KCNJ18: variants seen among roughly 807,000 people sequenced by gnomAD.
The protein encoded by KCNJ18 is potassium inwardly rectifying channel subfamily J member 18, also known as inward rectifier potassium channel 18.
Under a neutral mutation model 17.3 loss-of-function variants are expected in KCNJ18, and 16 were observed. The ratio of observed to expected loss-of-function variants is 0.92; its 90% CI spans 0.62 to 1.40. The LOEUF is 1.40. Ranked by LOEUF, KCNJ18 falls within the 40% of genes most tolerant of loss-of-function variation. KCNJ18 has a pLI of 0.00. For missense variants in KCNJ18, 462 were observed against 626.8 expected (o/e 0.74, Z 2.81); for synonymous variants, 185 against 262.6 (o/e 0.70, Z 2.86).
chr17:21,700,640 C>T lies in KCNJ18; in HGVS notation c.-56-2091C>T, dbSNP rs1345600176. Among the ~76,000 whole-genome samples, 6 of 109,838 alleles carry T rather than the reference C, an allele frequency of 5.5e-5. 1 individual carries two copies. The highest frequency in any genetic ancestry group is 7.7e-5 in the Non-Finnish European group (4 of 51,750). The allele number at this position is 109,838 out of a possible 152,430, so 72.1% of individuals were successfully genotyped here. A position where few individuals can be genotyped will look rare whatever the true frequency, so the allele number is the denominator to read the frequency against. On this transcript the variant is annotated intron_variant, in intron 2 of 2. Transcript: ENST00000567955. ...GCTCCGAGGCCCAGACTAGTGTGGA[C>T]GTGGCCAGAAGCTGGGTCACACAGA...
Position 21,704,062 on chromosome 17 carries a change from C to T in KCNJ18, c.1276C>T (p.Pro426Ser). Residue 426 changes from proline (P) to serine (S), a missense_variant, in exon 3 of 3, where the codon CCC becomes TCC. Around this residue, in one of 5 missense-constraint regions of KCNJ18, gnomAD observed 123 missense variants for 117.5 expected, o/e 1.05. Coordinates refer to ENST00000567955, the MANE Select transcript of KCNJ18 (RefSeq NM_001194958.2). The part of the protein sequence containing the change: ...QAGGGVLEQR[P>S]YRRGSEI ...TGGCGGCGGGGTCCTGGAGCAGCGG[C>T]CCTACAGACGGGGGTCAGAGATCTG... The T allele has an allele frequency of 6.4e-7, 1 of 1,559,284 alleles. No homozygotes were observed.
At chr17:21,697,772 A>G (rs1445354292) in intron 2 of KCNJ18, among the ~76,000 whole-genome samples, 4 of 152,310 alleles carry the variant, frequency 2.6e-5, no homozygotes, top group African/African-American at 4.8e-5. Flanking sequence ...CAGTCTCCCC[A>G]TCTGCAAAGG....
At position 21,703,294 on chromosome 17, in the gene KCNJ18, T is replaced by C; in HGVS notation, c.508T>C (p.Cys170Arg). The C allele has an allele frequency of 1.2e-5, 19 of 1,608,686 alleles. No homozygotes were observed. Among genetic ancestry groups the C allele is most frequent in the Non-Finnish European group, 1.5e-5 (18 of 1,177,068 alleles). Residue 170 changes from cysteine (C) to arginine (R), a missense_variant, in exon 3 of 3, where the codon TGC (cysteine) becomes CGC (arginine). This residue lies in a region of KCNJ18 where 237 missense variants were observed against 259.4 expected (regional missense o/e 0.91). Coordinates refer to ENST00000567955, the MANE Select transcript of KCNJ18 (RefSeq NM_001194958.2). ...FMVVAQSIVG[C>R]IIDSFMIGAI... ...GGTGGTGGCCCAGTCCATCGTGGGC[T>C]GCATCATCGACTCCTTCATGATTGG...
Position 21,704,120 on chromosome 17 carries a change from C to T in KCNJ18, c.*32C>T. On this transcript the variant is annotated 3_prime_UTR_variant, in exon 3 of 3. Transcript: ENST00000567955. ...CTTGGCCGACATGCAGCATCCACCC[C>T]TGGCCGGGGAGAGGCCCCGCGGTCG... The T allele has an allele frequency of 2.7e-6, 4 of 1,503,902 alleles. No individual in the cohort carries two copies. The highest frequency in any genetic ancestry group is 3.5e-6 in the Non-Finnish European group (4 of 1,126,958). 93.2% of individuals were successfully genotyped at this position (1,503,902 alleles called of 1,614,324 possible).
chr17:21,701,739 C>T (rs1482323347), intron 2 of KCNJ18, among the ~76,000 whole-genome samples: 4 of 152,210 alleles, frequency 2.6e-5, no homozygotes, highest in Non-Finnish European at 4.4e-5. Context: ...GGTGAAACCC[C>T]GTCTCTACTT....
chr17:21,699,555 G>A (rs1212533243), intron 2 of KCNJ18, among the ~76,000 whole-genome samples: 1 of 152,220 alleles, frequency 6.6e-6, no homozygotes, highest in Non-Finnish European at 1.5e-5. Flanking sequence ...TGACATTCTG[G>A]GCTCCAACTC....
In KCNJ18 at chr17:21,702,676, G is replaced by A. The variant is rs1906000681; in HGVS notation, c.-56-55G>A. The A allele has an allele frequency of 3.3e-6, 4 of 1,200,228 alleles. No individual in the cohort carries two copies. The South Asian group carries it at 5.4e-5, about 16-fold the overall frequency. 74.3% of individuals were successfully genotyped at this position (1,200,228 alleles called of 1,614,324 possible). A position where few individuals can be genotyped will look rare whatever the true frequency, so the allele number is the denominator to read the frequency against. The stretch of plus-strand genomic sequence containing the variant: ...CACGTCTGGGGGCCCTGGGATGGGG[G>A]TAGAGGAGCCTGGAGCCACCAGCCC... On this transcript the variant is annotated intron_variant, in intron 2 of 2. Coordinates refer to ENST00000567955, the MANE Select transcript of KCNJ18 (RefSeq NM_001194958.2).
At chr17:21,692,965 G>A (rs1174817643) in intron 1 of KCNJ18, among the ~76,000 whole-genome samples, 1 of 152,310 alleles carries the variant, frequency 6.6e-6, no homozygotes, top group Admixed American at 6.5e-5. Flanking sequence ...GCCTTGCCCT[G>A]TTCCGTGGGG....
In KCNJ18 at chr17:21,704,212, G is replaced by A. The variant is rs1392158213; in HGVS notation, c.*124G>A. On this transcript the variant is annotated 3_prime_UTR_variant, in exon 3 of 3. Coordinates refer to ENST00000567955, the MANE Select transcript of KCNJ18 (RefSeq NM_001194958.2). ...GGGTTGCAGACTCAGTAGCGTTTTA[G>A]TCGTTTTATGTTTCTTTGCAAAGGC... 823 of 1,165,142 alleles carry A rather than the reference G, an allele frequency of 7.1e-4. 2 individuals are homozygous for A. The highest frequency in any genetic ancestry group is 9.4e-4 in the Admixed American group (32 of 34,096). 72.2% of individuals were successfully genotyped at this position (1,165,142 alleles called of 1,614,324 possible).
intron 2 of KCNJ18, among the ~76,000 whole-genome samples, chr17:21,696,716 T>G (rs1905769132): frequency 1.3e-5 from 2 of 149,316 alleles, no homozygotes; most frequent in African/African-American, 5.0e-5. Context: ...GAGGAGGAGG[T>G]GGAGGAGGCG....
At chr17:21,696,392 CT>C (rs1245651864) in intron 2 of KCNJ18, among the ~76,000 whole-genome samples, 3 of 152,168 alleles carry the variant, frequency 2.0e-5, no homozygotes, top group Admixed American at 6.5e-5. Context: ...CTGCTCACCC[CT>C]ATCATCCACC....
chr17:21,700,019 C>T (rs1170783643), intron 2 of KCNJ18, among the ~76,000 whole-genome samples: 42 of 152,406 alleles, frequency 2.8e-4, no homozygotes, highest in African/African-American at 9.6e-4. Context: ...CGTCTGAGTG[C>T]CCCGGCCCTG....
At position 21,703,000 on chromosome 17, in the gene KCNJ18, T is replaced by C; in HGVS notation, c.214T>C (p.Phe72Leu). 8 of 1,610,878 alleles carry C rather than the reference T, an allele frequency of 5.0e-6. No individual in the cohort carries two copies. The South Asian group carries it at 8.9e-5, about 18-fold the overall frequency. The change falls in exon 3 of 3, where the codon TTC becomes CTC. Residue 72 changes from phenylalanine (F) to leucine (L), a missense_variant. Coordinates refer to ENST00000567955, the MANE Select transcript of KCNJ18 (RefSeq NM_001194958.2). ...EKSQRYLADM[F>L]TTCVDIRWRY... Reference sequence around the variant, plus strand: ...GTCACAGCGCTACCTGGCTGACATGTTCACCACCTGTGTGGACATCCGCTG... The same window carrying C: ...GTCACAGCGCTACCTGGCTGACATGCTCACCACCTGTGTGGACATCCGCTG...
rs1265381321 is a variant in KCNJ18, at chr17:21,702,323, C to A, written c.-56-408C>A. ...TGACATTGAGCAAGGGAGGGATAGG[C>A]ACCGACTCAGCTTCCACAGGCCCTC... On this transcript the variant is annotated intron_variant, in intron 2 of 2. Transcript: ENST00000567955. Among the ~76,000 whole-genome samples, 705 of 152,074 alleles carry A rather than the reference C, an allele frequency of 4.6e-3. 11 individuals carry two copies. The highest frequency in any genetic ancestry group is 0.016 in the African/African-American group (676 of 41,412).
chr17:21,694,994 G>A (rs1266753537), intron 1 of KCNJ18, among the ~76,000 whole-genome samples: 18,899 of 126,130 alleles, frequency 0.15, no homozygotes, highest in Middle Eastern at 0.19. Context: ...CATCCCATTC[G>A]TCTATCCATC....
In KCNJ18 at chr17:21,702,714, T is replaced by A. The variant is rs1254833975; in HGVS notation, c.-56-17T>A. On this transcript the variant is annotated splice_polypyrimidine_tract_variant and intron_variant, in intron 2 of 2. Transcript: ENST00000567955. Reference sequence around the variant, plus strand: ...GAGCCACCAGCCCAGCCAGACATGCTGTCCTCTCTGTTCCAGGAGCCGCCC... The same window carrying A: ...GAGCCACCAGCCCAGCCAGACATGCAGTCCTCTCTGTTCCAGGAGCCGCCC... 2 of 1,496,706 alleles carry A rather than the reference T, an allele frequency of 1.3e-6. No individual in the cohort carries two copies. Among genetic ancestry groups the A allele is most frequent in the East Asian group, 2.5e-5 (1 of 40,596 alleles). 92.7% of individuals were successfully genotyped at this position (1,496,706 alleles called of 1,614,324 possible). A position where few individuals can be genotyped will look rare whatever the true frequency, so the allele number is the denominator to read the frequency against.
Position 21,703,103 on chromosome 17 carries a change from C to T in KCNJ18, c.317C>T (p.Ala106Val), listed in dbSNP as rs1291699531. ...LLFGVIFWVI[A>V]VAHGDLEPAE... ...TTCGGCGTCATCTTCTGGGTCATCG[C>T]GGTGGCACACGGTGACCTGGAGCCG... The change falls in exon 3 of 3, where the codon GCG (alanine) becomes GTG (valine). Residue 106 changes from alanine (A) to valine (V), a missense_variant. Transcript: ENST00000567955. 8.6e-5 allele frequency: 139 copies of T among 1,612,128 alleles called. No homozygotes were observed. Among genetic ancestry groups the T allele is most frequent in the East Asian group, 1.6e-4 (7 of 44,850 alleles).
Position 21,700,559 on chromosome 17 carries a change from G to A in KCNJ18, c.-56-2172G>A, listed in dbSNP as rs1307042072. ...TGTTCCACAGCCTGGCCGGGCAGGC[G>A]GCTCCACCATCACCTGTTGCTCAGG... On this transcript the variant is annotated intron_variant, in intron 2 of 2. Coordinates refer to ENST00000567955, the MANE Select transcript of KCNJ18 (RefSeq NM_001194958.2). Among the ~76,000 whole-genome samples the A allele has an allele frequency of 4.6e-5, 5 of 107,552 alleles. 1 individual carries two copies. The highest frequency in any genetic ancestry group is 7.9e-5 in the Non-Finnish European group (4 of 50,926). 70.6% of individuals were successfully genotyped at this position (107,552 alleles called of 152,430 possible).
chr17:21,695,642 TAAC>T (rs1387673446), intron 1 of KCNJ18, among the ~76,000 whole-genome samples: 1 of 152,298 alleles, frequency 6.6e-6, no homozygotes, highest in Non-Finnish European at 1.5e-5. Context: ...TCTGGAATAG[TAAC>T]AACAATAGTT....
Sources: gnomAD v4.1 joint callset for allele counts (sites outside exome capture counted in the v4.1 genomes callset) on GRCh38, gnomAD v4.1.1 for gene constraint, gnomAD v4.1.1 regional missense constraint, MANE v1.5 for transcripts, NCBI Gene and HGNC (gene_info 2026-07-23, HGNC 2026-07-21) for gene names.